Variants in SPG21 observed in about 807,000 individuals in gnomAD.
SPG21 encodes the protein maspardin.
In SPG21, 26 loss-of-function variants were observed where a neutral mutation model predicts 38.9. The ratio of observed to expected loss-of-function variants is 0.67; its 90% CI spans 0.49 to 0.93. SPG21 has a LOEUF of 0.93. SPG21 is among the 40% of genes least tolerant of loss of function. The probability of loss-of-function intolerance (pLI) is 0.00; values close to 1 mark genes in which losing one functional copy is unlikely to be tolerated. For missense variants in SPG21, 333 were observed against 376.5 expected (o/e 0.88, Z 0.96); for synonymous variants, 136 against 128.9 (o/e 1.05, Z -0.37).
chr15:64,977,251 GAC>G (rs1373785226), intron 3 of SPG21, among the ~76,000 whole-genome samples: 2 of 152,176 alleles, frequency 1.3e-5, no homozygotes, highest in African/African-American at 4.8e-5. Flanking sequence ...TTTTAGTACA[GAC>G]ACAGTTTTGC....
intron 1 of SPG21, 100 bp from the exon 2 acceptor site, chr15:64,983,693 G>A: frequency 1.3e-6 from 1 of 757,056 alleles, no homozygotes; most frequent in Non-Finnish European, 2.2e-6. Context: ...TTTTAAAGAA[G>A]AAAGCCAAGG....
At position 64,979,277 on chromosome 15, in the gene SPG21, G is replaced by C. The variant is rs528388828; in HGVS notation, c.225+1587C>G. Among the ~76,000 whole-genome samples the C allele has an allele frequency of 1.3e-4, 20 of 152,262 alleles. No homozygotes were observed. The East Asian group carries it at 2.9e-3, about 22-fold the overall frequency. On this transcript the variant is annotated intron_variant, in intron 3 of 8. Coordinates refer to ENST00000204566, the MANE Select transcript of SPG21 (RefSeq NM_016630.7). ...ACACTGCTGGACAGCACTCCCGAGT[G>C]GGACGGGCGCCTATGGGTTGCTCGG...
chr15:64,967,917 C>G (rs2085575555), intron 7 of SPG21, among the ~76,000 whole-genome samples: 1 of 152,160 alleles, frequency 6.6e-6, no homozygotes, highest in South Asian at 2.1e-4. Context: ...CAAACATATA[C>G]TTTTACACCA....
chr15:64,988,043 AAAC>A, intron 1 of SPG21, among the ~76,000 whole-genome samples: 1 of 152,188 alleles, frequency 6.6e-6, no homozygotes, highest in South Asian at 2.1e-4. Context: ...TCAAAAAAAC[AAAC>A]AAAACAGCAA....
chr15:64,985,775 C>A (rs1384400294), intron 1 of SPG21, among the ~76,000 whole-genome samples: 1 of 152,170 alleles, frequency 6.6e-6, no homozygotes, highest in African/African-American at 2.4e-5. Context: ...GATCTGCTCC[C>A]TCAGGAACAC....
At chr15:64,965,610 AC>A (rs1015089582) in intron 7 of SPG21, 150 bp from the exon 8 acceptor site, 14 of 1,218,142 alleles carry the variant, frequency 1.1e-5, no homozygotes, top group Admixed American at 2.0e-5. Context: ...ACAATCCTGA[AC>A]CCCCAGCAGC....
intron 1 of SPG21, chr15:64,988,633 ATCTCT>A (rs1025007985): frequency 3.3e-5 from 5 of 152,190 alleles, no homozygotes; most frequent in Admixed American, 6.6e-5. Context: ...CATCTGTGAC[ATCTCT>A]TCTCATGCTC....
intron 3 of SPG21, 101 bp from the exon 4 acceptor site, chr15:64,976,656 T>C: frequency 1.2e-6 from 1 of 841,126 alleles, no homozygotes; most frequent in South Asian, 1.5e-5. Flanking sequence ...ATTTCTCGTT[T>C]GCTCAAGCGC....
chr15:64,964,634 C>G (rs920891608), intron 8 of SPG21, among the ~76,000 whole-genome samples: 2 of 149,444 alleles, frequency 1.3e-5, no homozygotes, highest in African/African-American at 5.1e-5. Flanking sequence ...GCTTTCTTTT[C>G]TTTTCTTTTT....
chr15:64,968,871 C>A (rs1283213013), intron 7 of SPG21, among the ~76,000 whole-genome samples: 1 of 151,922 alleles, frequency 6.6e-6, no homozygotes, highest in Non-Finnish European at 1.5e-5. Flanking sequence ...TGGGTAGACT[C>A]CCTTGTTTAA....
intron 7 of SPG21, among the ~76,000 whole-genome samples, chr15:64,967,366 C>T (rs1030609950): frequency 6.6e-6 from 1 of 152,044 alleles, no homozygotes; most frequent in African/African-American, 2.4e-5. Context: ...GGCTGGAACG[C>T]AGTGGCATGA....
intron 1 of SPG21, among the ~76,000 whole-genome samples, chr15:64,988,390 A>G (rs111771766): frequency 3.9e-5 from 6 of 152,188 alleles, no homozygotes; most frequent in Non-Finnish European, 7.3e-5. Flanking sequence ...CTTTATTTCA[A>G]TCTATAGTTG....
chr15:64,987,851 A>G (rs2086025957), intron 1 of SPG21, among the ~76,000 whole-genome samples: 1 of 152,194 alleles, frequency 6.6e-6, no homozygotes, highest in Non-Finnish European at 1.5e-5. Flanking sequence ...CCTGGCCAAC[A>G]TGGTGCAGCC....
chr15:64,972,826 C>T (rs1013832553), intron 5 of SPG21, among the ~76,000 whole-genome samples: 2 of 151,872 alleles, frequency 1.3e-5, no homozygotes, highest in African/African-American at 4.8e-5. Flanking sequence ...AGCGAGACTC[C>T]ATCTCAAAAA....
chr15:64,963,545 T>G lies in SPG21; in HGVS notation c.*75A>C. 4 of 1,261,408 alleles carry G rather than the reference T, an allele frequency of 3.2e-6. No individual in the cohort carries two copies. The highest frequency in any genetic ancestry group is 4.6e-6 in the Non-Finnish European group (4 of 864,062). 78.1% of individuals were successfully genotyped at this position (1,261,408 alleles called of 1,614,324 possible). On this transcript the variant is annotated 3_prime_UTR_variant, in exon 9 of 9. Transcript: ENST00000204566. ...GCCTGACGAACCTGAAGGAAAAGGC[T>G]GGCTGACGGGTGCTGATGCCACTGA...
chr15:64,972,749 G>A (rs1006868412), intron 5 of SPG21, among the ~76,000 whole-genome samples: 1 of 152,152 alleles, frequency 6.6e-6, no homozygotes, highest in African/African-American at 2.4e-5. Context: ...GGAGAATGGC[G>A]TGAACCTGGG....
chr15:64,974,845 G>C (rs2085745001), intron 4 of SPG21, 98 bp from the exon 5 acceptor site: 3 of 1,343,034 alleles, frequency 2.2e-6, no homozygotes, highest in Non-Finnish European at 3.2e-6. Context: ...CACAGAATAT[G>C]TTATCACTAG....
At chr15:64,970,901 G>A (rs775491550) in intron 5 of SPG21, among the ~76,000 whole-genome samples, 3 of 152,052 alleles carry the variant, frequency 2.0e-5, no homozygotes, top group East Asian at 1.9e-4. Flanking sequence ...CACCACGCCC[G>A]GCTAACTTCT....
chr15:64,983,312 G>C, intron 2 of SPG21, 195 bp downstream of exon 2: 1 of 436,986 alleles, frequency 2.3e-6, no homozygotes, highest in Non-Finnish European at 4.2e-6. Flanking sequence ...AGTTACACTT[G>C]CTTTCACTCT....
Sources: allele counts gnomAD v4.1 joint callset (sites outside exome capture counted in the v4.1 genomes callset), GRCh38; gene constraint gnomAD v4.1.1; transcripts MANE v1.5; gene names NCBI Gene and HGNC (gene_info 2026-07-23, HGNC 2026-07-21).